Variants in EIF2D observed in about 807,000 individuals in gnomAD.
The protein encoded by EIF2D is eukaryotic translation initiation factor 2D.
Under a neutral mutation model 77.4 loss-of-function variants are expected in EIF2D, and 56 were observed. That is an observed-to-expected ratio of 0.72 (90% CI 0.58 to 0.90). The LOEUF is 0.90. Ranked by LOEUF, EIF2D falls within the 40% of genes least tolerant of loss-of-function variation. The probability of loss-of-function intolerance (pLI) is 0.00; values close to 1 mark genes in which losing one functional copy is unlikely to be tolerated. For missense variants in EIF2D, 574 were observed against 706.5 expected (o/e 0.81, Z 2.13); for synonymous variants, 230 against 271.0 (o/e 0.85, Z 1.49).
Position 206,591,736 on chromosome 1 carries a change from G to A in EIF2D, c.*39C>T, listed in dbSNP as rs1553408974. On this transcript the variant is annotated 3_prime_UTR_variant, in exon 15 of 15. Transcript: ENST00000271764. Reference sequence around the variant, plus strand: ...ATAAAAATTACCAGCCCAGAGCTTGGATTTCCACCGGATCCACCACGTGAG... The same window carrying A: ...ATAAAAATTACCAGCCCAGAGCTTGAATTTCCACCGGATCCACCACGTGAG... The A allele has an allele frequency of 6.3e-7, 1 of 1,593,248 alleles. No homozygotes were observed. The highest frequency in any genetic ancestry group is 8.6e-7 in the Non-Finnish European group (1 of 1,161,068).
At chr1:206,603,405 A>T in intron 5 of EIF2D, 2 of 589,108 alleles carry the variant, frequency 3.4e-6, no homozygotes, top group Non-Finnish European at 5.8e-6. Context: ...CAGTTTCTTC[A>T]TCTCTGAAAT....
chr1:206,608,308 A>G lies in EIF2D; in HGVS notation c.350T>C (p.Leu117Pro). The G allele has an allele frequency of 1.9e-6, 3 of 1,612,074 alleles. No homozygotes were observed. Among genetic ancestry groups the G allele is most frequent in the Non-Finnish European group, 2.5e-6 (3 of 1,178,846 alleles). The change falls in exon 4 of 15, where the codon CTG becomes CCG. Residue 117 changes from leucine to proline, a missense_variant. Coordinates refer to ENST00000271764, the MANE Select transcript of EIF2D (RefSeq NM_006893.3). ...VGGADLMLPG[L>P]VMPPAGLPQV... Reference sequence around the variant, plus strand: ...AGGCAGACCAGCAGGGGGCATCACCAGTCCAGGCAGCATCAAATCTGCAAT... The same window carrying G: ...AGGCAGACCAGCAGGGGGCATCACCGGTCCAGGCAGCATCAAATCTGCAAT...
chr1:206,593,500 A>T (rs1415118948), intron 14 of EIF2D, 119 bp downstream of exon 14: 23 of 433,278 alleles, frequency 5.3e-5, no homozygotes, highest in African/African-American at 4.1e-4. Flanking sequence ...AGAGAGAGAG[A>T]GAGAGAGAGT....
At chr1:206,593,486 A>AGAGC (rs59286399) in intron 14 of EIF2D, 133 bp downstream of exon 14, 43,959 of 475,354 alleles carry the variant, frequency 0.092, 4,182 homozygotes, top group African/African-American at 0.37. Context: ...AGAGAGAGAG[A>AGAGC]GCGAGAGAGA....
chr1:206,595,910 A>G, intron 12 of EIF2D, 72 bp from the exon 13 acceptor site: 1 of 1,581,258 alleles, frequency 6.3e-7, no homozygotes, highest in Non-Finnish European at 8.6e-7. Context: ...CACTACCAGC[A>G]GGCAGTTAGG....
chr1:206,609,485 A>C (rs782259480), intron 2 of EIF2D, 26 bp from the exon 3 acceptor site: 13 of 1,589,172 alleles, frequency 8.2e-6, no homozygotes, highest in Non-Finnish European at 1.1e-5. Flanking sequence ...TCCAGAAAAC[A>C]CTACTACCAA....
At chr1:206,603,326 G>C (rs560680383) in intron 5 of EIF2D, 122 bp from the exon 6 acceptor site, 2 of 1,370,324 alleles carry the variant, frequency 1.5e-6, no homozygotes, top group Non-Finnish European at 9.8e-7. Context: ...GTGGCCAGGA[G>C]GGGGCAGAGA....
At position 206,584,517 on chromosome 1, in the gene EIF2D, C is replaced by T. The variant is rs149067883; in HGVS notation, c.139-3355G>A. On this transcript the variant is annotated intron_variant and NMD_transcript_variant, in intron 2 of 5. Transcript: ENST00000472709. The surrounding 1 kb of genome is among the most constrained non-coding windows in gnomAD (Gnocchi z 4.9). ...AAGGAGGTGAACCTGGCGGCTACCA[C>T]GGACAAGCGGACATCCTTCTACCTG... 1,598 of 1,614,142 alleles carry T rather than the reference C, an allele frequency of 9.9e-4. 34 individuals are homozygous for T. In the Admixed American group the frequency reaches 0.025, roughly 25 times the overall value.
At chr1:206,587,310 A>G (rs1051223324), downstream of EIF2D, 9 of 354,970 alleles carry the variant, frequency 2.5e-5, no homozygotes, top group South Asian at 1.8e-4. Flanking sequence ...CCAGCCGGCA[A>G]AGGAAGGAAG....
At chr1:206,587,161 G>A (rs897351867), downstream of EIF2D, 29 of 669,254 alleles carry the variant, frequency 4.3e-5, no homozygotes, top group Non-Finnish European at 7.1e-5. Flanking sequence ...AGCTGTGCCC[G>A]CCCCCAGGCT....
chr1:206,611,319 C>A lies in EIF2D; in HGVS notation c.112G>T (p.Val38Phe), dbSNP rs782439510. The A allele has an allele frequency of 6.2e-7, 1 of 1,614,232 alleles. No individual in the cohort carries two copies. The highest frequency in any genetic ancestry group is 1.1e-5 in the South Asian group (1 of 91,084). ...TAFPTLGTDQ[V>F]SELVPGKEEL... ...TCCTTTCCAGGTACTAACTCAGAGACTTGATCAGTTCCAAGGGTGGGGAAA... is the reference window on the plus strand; with the variant it reads ...TCCTTTCCAGGTACTAACTCAGAGAATTGATCAGTTCCAAGGGTGGGGAAA... Residue 38 changes from valine to phenylalanine, a missense_variant, in exon 2 of 15, where the codon GTC (valine) becomes TTC (phenylalanine). Coordinates refer to ENST00000271764, the MANE Select transcript of EIF2D (RefSeq NM_006893.3).
rs924573790 is a variant in EIF2D at position 206,612,425 on chromosome 1, A to G, written c.-83T>C. 9.6e-6 allele frequency: 15 copies of G among 1,567,548 alleles called. No individual in the cohort carries two copies. The Admixed American group carries it at 2.3e-4, about 25-fold the overall frequency. On this transcript the variant is annotated 5_prime_UTR_variant, in exon 1 of 15. Coordinates refer to ENST00000271764, the MANE Select transcript of EIF2D (RefSeq NM_006893.3). ...AGGGCGCAGCAGCTGCCAGGCCCTC[A>G]GCCGTGGGGGCAGCCATGCTGGGGC... is the stretch of plus-strand genomic sequence containing the variant.
Position 206,597,134 on chromosome 1 carries a change from CTGT to C in EIF2D, c.1351_1353del (p.Thr451del). ...AGACTGTCCCATGGAAGCTTCATGACTGTATGCTGTTCATTTTTCTCTAAGATG... is the reference window on the plus strand; with the variant it reads ...AGACTGTCCCATGGAAGCTTCATGACATGCTGTTCATTTTTCTCTAAGATG... On this transcript the variant is annotated inframe_deletion, in exon 12 of 15. Transcript: ENST00000271764. 1 of 1,614,114 alleles carries C rather than the reference CTGT, an allele frequency of 6.2e-7. No homozygotes were observed. Among genetic ancestry groups the C allele is most frequent in the South Asian group, 1.1e-5 (1 of 91,088 alleles).
chr1:206,599,555 A>G lies in EIF2D; in HGVS notation c.1110T>C (p.Gly370=). The G allele has an allele frequency of 6.2e-7, 1 of 1,609,764 alleles. No homozygotes were observed. The highest frequency in any genetic ancestry group is 8.5e-7 in the Non-Finnish European group (1 of 1,177,978). Residue 370 remains glycine, a synonymous_variant, in exon 10 of 15, where the codon GGT becomes GGC. Transcript: ENST00000271764. The surrounding 1 kb of genome is among the most constrained non-coding windows in gnomAD (Gnocchi z 4.1). ...GAGGGTGATAGGGCTGTTCCCTGCT[A>G]CCCTCCTGGATAGTCTGGGAGGTCG... ...PSPTSQTIQE[G]SREQPYHPPD...
chr1:206,575,590 A>C (rs373086153), intron 4 of EIF2D, among the ~76,000 whole-genome samples: 25 of 152,234 alleles, frequency 1.6e-4, no homozygotes, highest in African/African-American at 6.0e-4. Context: ...CAGCCATGCT[A>C]GCTAGCCTCC....
Position 206,584,861 on chromosome 1 carries a change from T to C in EIF2D, c.139-3699A>G. ...TCCGGGCAGGGAGGCAAGAGCAGAG[T>C]CCCTGACTCTGCATGTGACTTCAGG... On this transcript the variant is annotated intron_variant and NMD_transcript_variant, in intron 2 of 5. Transcript: ENST00000472709. This position sits in a 1 kb window ranked among gnomAD's most constrained non-coding sequence, Gnocchi z 4.9. 1 of 668,984 alleles carries C rather than the reference T, an allele frequency of 1.5e-6. No individual in the cohort carries two copies. Among genetic ancestry groups the C allele is most frequent in the Non-Finnish European group, 2.5e-6 (1 of 396,824 alleles). The allele number at this position is 668,984 out of a possible 1,614,324, so 41.4% of individuals were successfully genotyped here. A position where few individuals can be genotyped will look rare whatever the true frequency, so the allele number is the denominator to read the frequency against.
At position 206,584,372 on chromosome 1, in the gene EIF2D, T is replaced by A; in HGVS notation, c.139-3210A>T. 6.3e-7 allele frequency: 1 copy of A among 1,599,378 alleles called. No individual in the cohort carries two copies. The highest frequency in any genetic ancestry group is 8.5e-7 in the Non-Finnish European group (1 of 1,171,762). ...CGGACGGCCCTGACCCCCTGTGACA[T>A]GCCCCCGCTGGCAGAGTGAAGACGG... On this transcript the variant is annotated intron_variant and NMD_transcript_variant, in intron 2 of 5. Coordinates refer to the EIF2D transcript ENST00000472709. This position sits in a 1 kb window ranked among gnomAD's most constrained non-coding sequence, Gnocchi z 4.9.
chr1:206,584,165 C>G lies in EIF2D; in HGVS notation c.139-3003G>C, dbSNP rs1265952181. ...AGCCTCCTGGGAGGGAAATCCACTGCAGCCCCACAGGTCCTCTTTGGTAGC... is the reference window on the plus strand; with the variant it reads ...AGCCTCCTGGGAGGGAAATCCACTGGAGCCCCACAGGTCCTCTTTGGTAGC... On this transcript the variant is annotated intron_variant and NMD_transcript_variant, in intron 2 of 5. Transcript: ENST00000472709. This position sits in a 1 kb window ranked among gnomAD's most constrained non-coding sequence, Gnocchi z 4.9. Among the ~76,000 whole-genome samples the G allele has an allele frequency of 6.6e-6, 1 of 152,208 alleles. No individual in the cohort carries two copies. Among genetic ancestry groups the G allele is most frequent in the Non-Finnish European group, 1.5e-5 (1 of 68,046 alleles).
chr1:206,594,703 G>C (rs911287113), intron 13 of EIF2D: 3 of 152,088 alleles, frequency 2.0e-5, no homozygotes, highest in African/African-American at 7.2e-5. Flanking sequence ...CCTGACAAGT[G>C]CTCACCTAAT....
Sources: allele counts gnomAD v4.1 joint callset (sites outside exome capture counted in the v4.1 genomes callset), GRCh38; gene constraint gnomAD v4.1.1; non-coding constraint Gnocchi (gnomAD v3.1); transcripts MANE v1.5; gene names NCBI Gene and HGNC (gene_info 2026-07-23, HGNC 2026-07-21).